NKAIN2: variants seen among roughly 807,000 people sequenced by gnomAD.
NKAIN2 encodes the protein sodium/potassium-transporting ATPase subunit beta-1-interacting protein 2.
NKAIN2 carries 14 observed loss-of-function variants against 32.6 expected under a neutral mutation model. The ratio of observed to expected loss-of-function variants is 0.43; its 90% CI spans 0.28 to 0.67. The LOEUF (loss-of-function observed/expected upper bound fraction) is 0.67. Ranked by LOEUF, NKAIN2 falls within the 30% of genes least tolerant of loss-of-function variation. NKAIN2 has a pLI of 0.17. For synonymous variants in NKAIN2, 80 were observed against 87.2 expected (o/e 0.92, Z 0.46); for missense variants, 198 against 258.3 (o/e 0.77, Z 1.60).
At chr6:124,287,282 G>T (rs573611715) in intron 2 of NKAIN2, among the ~76,000 whole-genome samples, 70 of 152,232 alleles carry the variant, frequency 4.6e-4, no homozygotes, top group African/African-American at 1.6e-3. Context: ...GAGGGCATTT[G>T]CTATATTTGA....
chr6:124,599,489 C>T (rs113332842), intron 3 of NKAIN2, among the ~76,000 whole-genome samples: 48 of 152,144 alleles, frequency 3.2e-4, no homozygotes, highest in East Asian at 1.4e-3. Context: ...AAGAGCACAC[C>T]GTGCTGAAGC....
intron 5 of NKAIN2, among the ~76,000 whole-genome samples, chr6:124,797,106 T>G (rs898260597): frequency 6.0e-5 from 9 of 148,860 alleles, no homozygotes; most frequent in Admixed American, 3.4e-4. Flanking sequence ...TTATTAGCAC[T>G]GTTCGATGTG....
intron 1 of NKAIN2, among the ~76,000 whole-genome samples, chr6:124,275,900 A>T (rs1795008563): frequency 6.6e-6 from 1 of 152,112 alleles, no homozygotes; most frequent in South Asian, 2.1e-4. Context: ...TATCACTCTA[A>T]TTTTCATGAA....
chr6:123,991,917 A>C (rs1032676240), intron 1 of NKAIN2, among the ~76,000 whole-genome samples: 7 of 152,098 alleles, frequency 4.6e-5, no homozygotes, highest in African/African-American at 1.7e-4. Context: ...ACATTAAAAA[A>C]ATCAAGGGAG....
At chr6:124,557,262 T>C (rs540898606) in intron 3 of NKAIN2, among the ~76,000 whole-genome samples, 1 of 152,296 alleles carries the variant, frequency 6.6e-6, no homozygotes, top group Admixed American at 6.5e-5. Context: ...CAGTGTATAG[T>C]GAAAATATAA....
chr6:124,291,491 C>A (rs1354497579), intron 2 of NKAIN2, among the ~76,000 whole-genome samples: 5 of 152,074 alleles, frequency 3.3e-5, no homozygotes, highest in Admixed American at 6.6e-5. Context: ...TAGATCCTCT[C>A]TTTCCCAAAG....
chr6:124,794,390 T>C (rs949490788), intron 5 of NKAIN2, among the ~76,000 whole-genome samples: 4 of 152,188 alleles, frequency 2.6e-5, no homozygotes, highest in African/African-American at 9.7e-5. Context: ...TTCAAGGCGA[T>C]TCAAAGTCAC....
intron 1 of NKAIN2, among the ~76,000 whole-genome samples, chr6:124,252,090 G>A (rs905026317): frequency 1.3e-4 from 19 of 151,944 alleles, no homozygotes; most frequent in African/African-American, 3.4e-4. Flanking sequence ...TACATATAAC[G>A]GTAACATTTG....
At chr6:124,033,707 G>T (rs1486651928) in intron 1 of NKAIN2, among the ~76,000 whole-genome samples, 1 of 152,096 alleles carries the variant, frequency 6.6e-6, no homozygotes, top group East Asian at 1.9e-4. Flanking sequence ...TTGGGAATTT[G>T]GTTGGGTCAT....
intron 1 of NKAIN2, among the ~76,000 whole-genome samples, chr6:124,143,259 A>T (rs1787229761): frequency 6.6e-6 from 1 of 152,158 alleles, no homozygotes; most frequent in African/African-American, 2.4e-5. Flanking sequence ...TGAGAATGAG[A>T]CTAGCCTGGG....
chr6:123,907,103 C>G (rs1203790278), intron 1 of NKAIN2, among the ~76,000 whole-genome samples: 2 of 152,266 alleles, frequency 1.3e-5, no homozygotes, highest in East Asian at 3.9e-4. Flanking sequence ...TTGACCAAAT[C>G]TGCCCTTATC....
chr6:123,912,785 CT>C (rs1367487056), intron 1 of NKAIN2, among the ~76,000 whole-genome samples: 2 of 152,130 alleles, frequency 1.3e-5, no homozygotes, highest in East Asian at 3.8e-4. Flanking sequence ...AAATAAATCC[CT>C]TTTTTAAATA....
At chr6:124,233,187 T>A (rs1366296665) in intron 1 of NKAIN2, among the ~76,000 whole-genome samples, 8 of 152,006 alleles carry the variant, frequency 5.3e-5, no homozygotes, top group Non-Finnish European at 8.8e-5. Context: ...CTACATGATC[T>A]CCTTAGGTTA....
chr6:123,817,836 G>C (rs1465394145), intron 1 of NKAIN2, among the ~76,000 whole-genome samples: 2 of 152,162 alleles, frequency 1.3e-5, no homozygotes, highest in Non-Finnish European at 2.9e-5. Flanking sequence ...ACATACATTA[G>C]GAAAGGGGGG....
intron 3 of NKAIN2, among the ~76,000 whole-genome samples, chr6:124,403,490 T>G (rs186600348): frequency 6.6e-6 from 1 of 152,314 alleles, no homozygotes; most frequent in Admixed American, 6.5e-5. Flanking sequence ...TCTCCAAAGT[T>G]ATTTCAGCAT....
chr6:124,195,845 T>G (rs802281), intron 1 of NKAIN2, among the ~76,000 whole-genome samples: 6,000 of 152,146 alleles, frequency 0.039, 171 homozygotes, highest in Non-Finnish European at 0.059. Flanking sequence ...TCCTTCACTC[T>G]CAGCCATCAT....
At chr6:123,994,445 A>G (rs1439501714) in intron 1 of NKAIN2, among the ~76,000 whole-genome samples, 1 of 152,136 alleles carries the variant, frequency 6.6e-6, no homozygotes, top group African/African-American at 2.4e-5. Context: ...AGGATTAGAA[A>G]GTCTGATGTA....
intron 4 of NKAIN2, among the ~76,000 whole-genome samples, chr6:124,772,958 A>T (rs900795754): frequency 1.3e-5 from 2 of 151,980 alleles, no homozygotes; most frequent in Admixed American, 1.3e-4. Context: ...TATCCCCTGA[A>T]TCTAAAAGAA....
At chr6:124,482,136 G>T (rs1056948701) in intron 3 of NKAIN2, among the ~76,000 whole-genome samples, 8 of 152,210 alleles carry the variant, frequency 5.3e-5, no homozygotes, top group African/African-American at 1.9e-4. Context: ...AATTAAACTG[G>T]CTGAGTTACA....
Sources: gnomAD v4.1 joint callset for allele counts (sites outside exome capture counted in the v4.1 genomes callset) on GRCh38, gnomAD v4.1.1 for gene constraint, MANE v1.5 for transcripts, NCBI Gene and HGNC (gene_info 2026-07-23, HGNC 2026-07-21) for gene names.